Variants in TNFRSF1B observed in about 807,000 individuals in gnomAD.
TNFRSF1B encodes the protein TNF receptor superfamily member 1B.
TNFRSF1B carries 19 observed loss-of-function variants against 44.6 expected under a neutral mutation model. That is an observed-to-expected ratio of 0.43 (90% CI 0.30 to 0.62). The LOEUF (loss-of-function observed/expected upper bound fraction) is 0.62, where lower values mean the gene tolerates loss of function less well. Ranked by LOEUF, TNFRSF1B falls within the 20% of genes least tolerant of loss-of-function variation. The pLI is 0.16. For missense variants in TNFRSF1B, 541 were observed against 619.9 expected (o/e 0.87, Z 1.35); for synonymous variants, 252 against 261.1 (o/e 0.97, Z 0.34).
rs1467877687 is a variant in TNFRSF1B at position 12,178,235 on chromosome 1, A to G, written c.79-10561A>G. Among the ~76,000 whole-genome samples, 2 of 152,216 alleles carry G rather than the reference A, an allele frequency of 1.3e-5. No individual in the cohort carries two copies. Among genetic ancestry groups the G allele is most frequent in the Non-Finnish European group, 2.9e-5 (2 of 68,034 alleles). On this transcript the variant is annotated intron_variant, in intron 1 of 9. Coordinates refer to ENST00000376259, the MANE Select transcript of TNFRSF1B (RefSeq NM_001066.3). This position sits in a 1 kb window ranked among gnomAD's most constrained non-coding sequence, Gnocchi z 4.3. ...ATTAAAACTTTGCTTCTGTTGAGCA[A>G]TTCGGCATCGATGAGACGCCAGCTG...
At chr1:12,173,330 ACT>A (rs1638562597) in intron 1 of TNFRSF1B, among the ~76,000 whole-genome samples, 1 of 152,146 alleles carries the variant, frequency 6.6e-6, no homozygotes, top group Non-Finnish European at 1.5e-5. Context: ...AGGACTCCCC[ACT>A]GTCAATATCT....
chr1:12,192,655 A>T (rs1423153371), intron 5 of TNFRSF1B, 131 bp downstream of exon 5: 6 of 1,049,656 alleles, frequency 5.7e-6, no homozygotes, highest in Non-Finnish European at 8.6e-6. Flanking sequence ...GGCTCCCAGG[A>T]TAAATGGCAT....
intron 1 of TNFRSF1B, among the ~76,000 whole-genome samples, chr1:12,170,276 T>C (rs1367346155): frequency 6.6e-6 from 1 of 152,130 alleles, no homozygotes; most frequent in Non-Finnish European, 1.5e-5. Flanking sequence ...CCAGCTCCAA[T>C]CCTCTAGGAG....
intron 9 of TNFRSF1B, among the ~76,000 whole-genome samples, chr1:12,205,312 G>A (rs1639478064): frequency 2.0e-5 from 3 of 152,148 alleles, no homozygotes; most frequent in African/African-American, 7.2e-5. Context: ...GCAGGGGGTG[G>A]GGAATGTGGC....
In TNFRSF1B at chr1:12,193,056, C is replaced by G. The variant is rs1322813898; in HGVS notation, c.745C>G (p.Pro249Ala). ...TSFLLPMGPS[P>A]PAEGSTGDFA... ...CTTCCTGCTCCCAATGGGCCCCAGC[C>G]CCCCAGCTGAAGGGAGCACTGGCGA... Residue 249 changes from proline to alanine, a missense_variant, in exon 6 of 10, where the codon CCC (proline) becomes GCC (alanine). Transcript: ENST00000376259. The G allele has an allele frequency of 6.2e-7, 1 of 1,614,162 alleles. No homozygotes were observed. Among genetic ancestry groups the G allele is most frequent in the South Asian group, 1.1e-5 (1 of 91,076 alleles).
chr1:12,188,944 G>A (rs746667130), intron 2 of TNFRSF1B, 49 bp downstream of exon 2: 1 of 1,557,322 alleles, frequency 6.4e-7, no homozygotes, highest in Non-Finnish European at 8.8e-7. Context: ...GGAGGAGCGT[G>A]TGTGTACAGG....
At chr1:12,183,826 C>CTATCTATCTATCTAT (rs1557629489) in intron 1 of TNFRSF1B, among the ~76,000 whole-genome samples, 5 of 124,450 alleles carry the variant, frequency 4.0e-5, no homozygotes, top group African/African-American at 1.2e-4. Context: ...ATTCTATCTA[C>CTATCTATCTATCTAT]CTATCTATCT....
intron 1 of TNFRSF1B, among the ~76,000 whole-genome samples, chr1:12,175,326 G>A (rs951934183): frequency 2.6e-5 from 4 of 152,204 alleles, no homozygotes; most frequent in Admixed American, 6.5e-5. Context: ...AGATTAGCAA[G>A]GACCTCCCTG....
rs758561163 is a variant in TNFRSF1B at position 12,192,933 on chromosome 1, A to C, written c.622A>C (p.Ser208Arg). The C allele has an allele frequency of 3.1e-6, 5 of 1,614,152 alleles. No homozygotes were observed. The South Asian group carries it at 5.5e-5, about 18-fold the overall frequency. ...CTGCACGTCCACGTCCCCCACCCGG[A>C]GTATGGCCCCAGGGGCAGTACACTT... ...AVCTSTSPTRSMAPGAVHLPQ... is the reference protein window; with the variant it reads ...AVCTSTSPTRRMAPGAVHLPQ... The change falls in exon 6 of 10, where the codon AGT becomes CGT. Residue 208 changes from serine to arginine, a missense_variant. By Grantham distance (110) the Ser-to-Arg change is moderately radical (BLOSUM62 -1). Coordinates refer to ENST00000376259, the MANE Select transcript of TNFRSF1B (RefSeq NM_001066.3).
At chr1:12,195,450 C>CT (rs1639245181) in intron 8 of TNFRSF1B, among the ~76,000 whole-genome samples, 1 of 152,162 alleles carries the variant, frequency 6.6e-6, no homozygotes, top group Admixed American at 6.5e-5. Flanking sequence ...CTTTTGTTCT[C>CT]TTGTTTGTGG....
chr1:12,198,691 G>GTTTTTTTTTTTTTTTTTTT (rs60313758), intron 8 of TNFRSF1B, among the ~76,000 whole-genome samples: 7 of 85,628 alleles, frequency 8.2e-5, no homozygotes, highest in East Asian at 3.3e-4. Flanking sequence ...CTGGAATTCT[G>GTTTTTTTTTTTTTTTTTTT]TTTTTTTTTT....
chr1:12,171,176 C>CT lies in TNFRSF1B; in HGVS notation c.78+4024dup, dbSNP rs61185238. Among the ~76,000 whole-genome samples, 10,226 of 137,432 alleles carry CT rather than the reference C, an allele frequency of 0.074. 424 individuals carry two copies. The highest frequency in any genetic ancestry group is 0.11 in the African/African-American group (4,245 of 37,372). 90.2% of individuals were successfully genotyped at this position (137,432 alleles called of 152,430 possible). Reference sequence around the variant, plus strand: ...TGCCACCATGCCCGGCTAATTTTTCCTTTTTTTTTTTTTTTTTAGTAGAGA... The same window carrying CT: ...TGCCACCATGCCCGGCTAATTTTTCCTTTTTTTTTTTTTTTTTTAGTAGAGA... On this transcript the variant is annotated intron_variant, in intron 1 of 9. Coordinates refer to ENST00000376259, the MANE Select transcript of TNFRSF1B (RefSeq NM_001066.3). This position sits in a 1 kb window ranked among gnomAD's most constrained non-coding sequence, Gnocchi z 4.5.
rs1638454457 is a variant in TNFRSF1B at position 12,168,764 on chromosome 1, G to C, written c.78+1595G>C. On this transcript the variant is annotated intron_variant, in intron 1 of 9. Coordinates refer to ENST00000376259, the MANE Select transcript of TNFRSF1B (RefSeq NM_001066.3). This position sits in a 1 kb window ranked among gnomAD's most constrained non-coding sequence, Gnocchi z 4.7. ...TCCCTGCTCCCCACGACCCCACCCG[G>C]ACTATTGCCGCAGCCTTGTAGCTGG... Among the ~76,000 whole-genome samples the C allele has an allele frequency of 6.6e-6, 1 of 152,032 alleles. No individual in the cohort carries two copies. Among genetic ancestry groups the C allele is most frequent in the Non-Finnish European group, 1.5e-5 (1 of 67,992 alleles).
At chr1:12,205,736 C>T (rs1465613877) in intron 9 of TNFRSF1B, among the ~76,000 whole-genome samples, 1 of 152,170 alleles carries the variant, frequency 6.6e-6, no homozygotes, top group East Asian at 1.9e-4. Context: ...ATTCTCCTGC[C>T]TCAGCCTCCC....
rs759423347 is a variant in TNFRSF1B, at chr1:12,192,522, G to A, written c.549G>A (p.Gln183=). The A allele has an allele frequency of 1.2e-6, 2 of 1,614,074 alleles. No individual in the cohort carries two copies. Among genetic ancestry groups the A allele is most frequent in the South Asian group, 1.1e-5 (1 of 91,088 alleles). Residue 183 remains glutamine (Q), a splice_region_variant and synonymous_variant, in exon 5 of 10, where the codon CAG becomes CAA. Transcript: ENST00000376259. ...TSSTDICRPH[Q]ICNVVAIPGN... ...CCACGGATATTTGCAGGCCCCACCAGATGTGAGTAGCTGAGTCCTTTGGTT... is the reference window on the plus strand; with the variant it reads ...CCACGGATATTTGCAGGCCCCACCAAATGTGAGTAGCTGAGTCCTTTGGTT...
intron 1 of TNFRSF1B, among the ~76,000 whole-genome samples, chr1:12,174,154 T>TCTCCTTCTCCTTCTCCTTCTC (rs61272101): frequency 1.1e-4 from 8 of 74,062 alleles, no homozygotes; most frequent in Admixed American, 1.4e-4. Context: ...TTCTTCTTCT[T>TCTCCTTCTCCTTCTCCTTCTC]CTTCTTCTTC....
In TNFRSF1B at chr1:12,180,585, C is replaced by A. The variant is rs146019109; in HGVS notation, c.79-8211C>A. On this transcript the variant is annotated intron_variant, in intron 1 of 9. Transcript: ENST00000376259. The surrounding 1 kb of genome is among the most constrained non-coding windows in gnomAD (Gnocchi z 4.3). ...CCTGGCCACCTGGCCCTGCCCCTTA[C>A]CAGCTAAGGGCTCCAGCAGAGTCCT... Among the ~76,000 whole-genome samples, 387 of 152,338 alleles carry A rather than the reference C, an allele frequency of 2.5e-3. 1 individual carries two copies. Among genetic ancestry groups the A allele is most frequent in the African/African-American group, 8.7e-3 (362 of 41,580 alleles).
Position 12,186,376 on chromosome 1 carries a change from G to T in TNFRSF1B, c.79-2420G>T, listed in dbSNP as rs1445376447. On this transcript the variant is annotated intron_variant, in intron 1 of 9. Coordinates refer to ENST00000376259, the MANE Select transcript of TNFRSF1B (RefSeq NM_001066.3). This position sits in a 1 kb window ranked among gnomAD's most constrained non-coding sequence, Gnocchi z 4.8. ...AACCCACCTGCTACGTTGGCTGGTG[G>T]AAATTTGGCCAGGTCTGCACTGGCC... 6.6e-6 allele frequency among the ~76,000 whole-genome samples: 1 copy of T among 152,270 alleles called. No homozygotes were observed. Among genetic ancestry groups the T allele is most frequent in the Non-Finnish European group, 1.5e-5 (1 of 68,046 alleles).
At chr1:12,189,533 G>A (rs963286629) in intron 2 of TNFRSF1B, among the ~76,000 whole-genome samples, 15 of 152,234 alleles carry the variant, frequency 9.9e-5, no homozygotes, top group African/African-American at 3.6e-4. Flanking sequence ...TAGGTAGCCT[G>A]ACTCCTGGTG....
Sources: gnomAD v4.1 joint callset for allele counts (sites outside exome capture counted in the v4.1 genomes callset) on GRCh38, gnomAD v4.1.1 for gene constraint, Gnocchi (gnomAD v3.1) non-coding constraint, MANE v1.5 for transcripts, NCBI Gene and HGNC (gene_info 2026-07-23, HGNC 2026-07-21) for gene names.